NRXN1: variants seen among roughly 807,000 people sequenced by gnomAD.
NRXN1 encodes neurexin-1.
NRXN1 carries 39 observed loss-of-function variants against 150.9 expected under a neutral mutation model. The observed-to-expected ratio is 0.26, with a 90% CI of 0.20 to 0.34. The LOEUF is 0.34. Among genes scored for constraint, NRXN1 ranks in the 10% least tolerant of loss-of-function variants. NRXN1 has a pLI of 1.00. For missense variants in NRXN1, 1,815 were observed against 1,949.9 expected (o/e 0.93, Z 1.30); for synonymous variants, 924 against 757.0 (o/e 1.22, Z -3.62).
At chr2:50,421,584 C>G (rs572353197) in intron 17 of NRXN1, among the ~76,000 whole-genome samples, 10 of 152,068 alleles carry the variant, frequency 6.6e-5, no homozygotes, top group Admixed American at 6.6e-4. Flanking sequence ...TCTTTTTAAT[C>G]TGTGTTTTCA....
intron 18 of NRXN1, among the ~76,000 whole-genome samples, chr2:50,222,062 A>T (rs1188074240): frequency 6.6e-6 from 1 of 151,998 alleles, no homozygotes; most frequent in Non-Finnish European, 1.5e-5. Flanking sequence ...AGAATTATGG[A>T]ATGTGTAGAA....
chr2:50,181,209 T>A (rs2060690258), intron 18 of NRXN1, among the ~76,000 whole-genome samples: 1 of 151,620 alleles, frequency 6.6e-6, no homozygotes, highest in African/African-American at 2.4e-5. Context: ...GTCTTAACTA[T>A]CTTGAAAACA....
chr2:50,626,185 G>C (rs1389574022), intron 5 of NRXN1, among the ~76,000 whole-genome samples: 1 of 151,828 alleles, frequency 6.6e-6, no homozygotes, highest in African/African-American at 2.4e-5. Context: ...TTAGAGTTCT[G>C]TGTACTAGAG....
At chr2:50,034,259 T>C (rs2152570605) in intron 21 of NRXN1, among the ~76,000 whole-genome samples, 1 of 152,138 alleles carries the variant, frequency 6.6e-6, no homozygotes, top group East Asian at 1.9e-4. Context: ...CCATTATTGG[T>C]AGACTGGATA....
chr2:50,845,608 T>A (rs1207918689), intron 5 of NRXN1, among the ~76,000 whole-genome samples: 1 of 152,214 alleles, frequency 6.6e-6, no homozygotes, highest in East Asian at 1.9e-4. Flanking sequence ...ATTAGGAACC[T>A]CACCATCTAT....
At chr2:50,785,159 G>A (rs1393018999) in intron 5 of NRXN1, among the ~76,000 whole-genome samples, 7 of 151,756 alleles carry the variant, frequency 4.6e-5, no homozygotes, top group African/African-American at 1.7e-4. Context: ...ACATCAGTAA[G>A]CCAGGAAAAG....
At chr2:50,687,500 T>A (rs1044422898) in intron 5 of NRXN1, among the ~76,000 whole-genome samples, 2 of 152,206 alleles carry the variant, frequency 1.3e-5, no homozygotes, top group Non-Finnish European at 2.9e-5. Flanking sequence ...GCTGTCACTT[T>A]GGCTGTCACT....
chr2:50,213,174 T>C (rs941612248), intron 18 of NRXN1, among the ~76,000 whole-genome samples: 2 of 151,798 alleles, frequency 1.3e-5, no homozygotes, highest in Non-Finnish European at 2.9e-5. Context: ...GTGAACGAGG[T>C]GAGATAATAT....
chr2:50,263,052 C>A (rs1243091700), intron 17 of NRXN1, among the ~76,000 whole-genome samples: 1 of 151,768 alleles, frequency 6.6e-6, no homozygotes, highest in Admixed American at 6.6e-5. Flanking sequence ...GACAGTACTC[C>A]ACACACTGGC....
chr2:50,740,497 T>C (rs1699301179), intron 5 of NRXN1, among the ~76,000 whole-genome samples: 1 of 152,200 alleles, frequency 6.6e-6, no homozygotes, highest in South Asian at 2.1e-4. Flanking sequence ...AACCTGGAGT[T>C]GTCAAACTAC....
At chr2:50,708,658 C>G (rs1457743626) in intron 5 of NRXN1, among the ~76,000 whole-genome samples, 1 of 151,750 alleles carries the variant, frequency 6.6e-6, no homozygotes, top group African/African-American at 2.4e-5. Flanking sequence ...TAAGACAACC[C>G]AATAAAGTGT....
At chr2:50,340,029 A>G (rs535353362) in intron 17 of NRXN1, among the ~76,000 whole-genome samples, 3 of 152,270 alleles carry the variant, frequency 2.0e-5, no homozygotes, top group African/African-American at 7.2e-5. Context: ...TGCCTTTTAT[A>G]TTGTCATGGA....
chr2:50,175,152 C>G (rs542581599), intron 18 of NRXN1: 1 of 152,314 alleles, frequency 6.6e-6, no homozygotes, highest in East Asian at 1.9e-4. Flanking sequence ...CACTCCTTCA[C>G]AATGGCCGAA....
intron 13 of NRXN1, among the ~76,000 whole-genome samples, chr2:50,498,977 A>T (rs1254310954): frequency 6.6e-6 from 1 of 152,234 alleles, no homozygotes; most frequent in Non-Finnish European, 1.5e-5. Context: ...AGCCCCTGAG[A>T]AAATGCATTG....
chr2:50,718,284 T>C (rs1427090853), intron 5 of NRXN1, among the ~76,000 whole-genome samples: 1 of 151,932 alleles, frequency 6.6e-6, no homozygotes, highest in Non-Finnish European at 1.5e-5. Context: ...AGTGCATGAG[T>C]ATGGGAGCAC....
chr2:50,434,413 T>A (rs2085257610), intron 17 of NRXN1, among the ~76,000 whole-genome samples: 1 of 152,122 alleles, frequency 6.6e-6, no homozygotes, highest in Admixed American at 6.5e-5. Context: ...TGGATTCCTC[T>A]CTTCACATGA....
chr2:50,385,970 G>A (rs982648668), intron 17 of NRXN1, among the ~76,000 whole-genome samples: 1 of 151,758 alleles, frequency 6.6e-6, no homozygotes, highest in South Asian at 2.1e-4. Flanking sequence ...AACTAAAATA[G>A]TGATATATTT....
At chr2:50,814,191 C>T (rs1668610934) in intron 5 of NRXN1, among the ~76,000 whole-genome samples, 1 of 152,068 alleles carries the variant, frequency 6.6e-6, no homozygotes, top group Admixed American at 6.6e-5. Flanking sequence ...GAGGTAGCAC[C>T]TCCCAGTGTT....
chr2:50,095,581 T>A (rs911678059), intron 18 of NRXN1, among the ~76,000 whole-genome samples: 9 of 152,180 alleles, frequency 5.9e-5, no homozygotes, highest in African/African-American at 2.2e-4. Context: ...AGGTGAAAAA[T>A]GCACTAAACT....
Sources: gnomAD v4.1 joint callset for allele counts (sites outside exome capture counted in the v4.1 genomes callset) on GRCh38, gnomAD v4.1.1 for gene constraint, MANE v1.5 for transcripts, NCBI Gene and HGNC (gene_info 2026-07-23, HGNC 2026-07-21) for gene names.